The following RNF135 variants were observed in gnomAD, a reference collection of about 807,000 sequenced individuals.
The protein encoded by RNF135 is E3 ubiquitin-protein ligase RNF135.
RNF135 carries 46 observed loss-of-function variants against 41.9 expected under a neutral mutation model. The ratio of observed to expected loss-of-function variants is 1.10; its 90% confidence interval spans 0.87 to 1.40. The LOEUF (loss-of-function observed/expected upper bound fraction) is 1.40. RNF135 is among the 40% of genes most tolerant of loss of function. The pLI is 0.00. For synonymous variants in RNF135, 238 were observed against 223.8 expected, an observed-to-expected ratio of 1.06 and a Z score of -0.57; for missense variants, 539 against 549.8, an observed-to-expected ratio of 0.98 and a Z score of 0.20.
the RNF135 span, among the ~76,000 whole-genome samples, chr17:30,962,173 G>A: frequency 2.7e-5 from 4 of 148,292 alleles, no homozygotes; most frequent in African/African-American, 7.5e-5. Context: ...TCTCTGTGTC[G>A]CCAGGCTGGA....
chr17:30,979,628 C>A (rs2142686446), intron 1 of RNF135, among the ~76,000 whole-genome samples: 2 of 130,388 alleles, frequency 1.5e-5, no homozygotes, highest in East Asian at 2.4e-4. Context: ...GCGCCCCTCA[C>A]CTCCCGGACG....
intron 3 of RNF135, among the ~76,000 whole-genome samples, chr17:30,989,320 C>T (rs1907829729): frequency 6.6e-6 from 1 of 152,102 alleles, no homozygotes; most frequent in Admixed American, 6.5e-5. Flanking sequence ...GATCATGCCA[C>T]TGCATTGCAT....
chr17:30,980,052 TCCCGGA>T, intron 1 of RNF135: 1 of 116,366 alleles, frequency 8.6e-6, no homozygotes, highest in African/African-American at 4.1e-5. Context: ...CCCACCTCCC[TCCCGGA>T]CTGGGCGGCT....
intron 1 of RNF135, among the ~76,000 whole-genome samples, chr17:30,983,345 ATATATATATTTTTT>A (rs1312365531): frequency 8.8e-5 from 3 of 34,178 alleles, no homozygotes; most frequent in Non-Finnish European, 1.8e-4. Context: ...ATATATATAT[ATATATATATTTTTT>A]TTTTTTTTTT....
At chr17:30,980,566 C>T (rs1365350116) in intron 1 of RNF135, among the ~76,000 whole-genome samples, 13 of 137,748 alleles carry the variant, frequency 9.4e-5, no homozygotes, top group African/African-American at 3.3e-4. Context: ...ACTTCCCAGA[C>T]GGGGTGGTTG....
At chr17:30,970,528 T>C (rs1905802635), upstream of RNF135, 1 of 158,796 alleles carries the variant, frequency 6.3e-6, no homozygotes, top group Non-Finnish European at 1.4e-5. Context: ...GAAATCAGAC[T>C]CCCTGCGAGC....
At chr17:30,995,005 C>G (rs774968933) in intron 3 of RNF135, among the ~76,000 whole-genome samples, 2 of 152,044 alleles carry the variant, frequency 1.3e-5, no homozygotes, top group African/African-American at 4.8e-5. Context: ...TACTGTGGCA[C>G]AACTATGGCT....
Position 30,999,242 on chromosome 17 carries a change from A to G in RNF135, c.*51A>G, listed in dbSNP as rs187129984. ...TGGTTTCCTGGTCTCTCTCCCTGTC[A>G]TCAATCAGGGTAGTAACTTGACTTA... is the stretch of plus-strand genomic sequence containing the variant. On this transcript the variant is annotated 3_prime_UTR_variant, in exon 5 of 5. Coordinates refer to ENST00000328381, the MANE Select transcript of RNF135 (RefSeq NM_032322.4). 1.3e-6 allele frequency: 2 copies of G among 1,573,676 alleles called. No individual in the cohort carries two copies. The highest frequency in any genetic ancestry group is 1.9e-4 in the Middle Eastern group (1 of 5,334).
chr17:30,983,345 ATATATATATTTT>A (rs1203625856), intron 1 of RNF135, among the ~76,000 whole-genome samples: 48 of 34,170 alleles, frequency 1.4e-3, no homozygotes, highest in African/African-American at 4.2e-3. Context: ...ATATATATAT[ATATATATATTTT>A]TTTTTTTTTT....
chr17:30,975,837 A>G, intron 1 of RNF135: 2 of 916,898 alleles, frequency 2.2e-6, no homozygotes, highest in South Asian at 2.6e-5. Context: ...AGAATAGTCC[A>G]TTTTGGCTGC....
rs1321585009 is a variant in RNF135, at chr17:30,997,511, C to T, written c.769+180C>T. On this transcript the variant is annotated intron_variant, in intron 4 of 4. Coordinates refer to ENST00000328381, the MANE Select transcript of RNF135 (RefSeq NM_032322.4). Reference sequence around the variant, plus strand: ...GGCAAAGCAGGTTGAGACTCTAGACCCAAGAGCACTCAGAGTCCCGCCAAC... The same window carrying T: ...GGCAAAGCAGGTTGAGACTCTAGACTCAAGAGCACTCAGAGTCCCGCCAAC... 3 of 674,228 alleles carry T rather than the reference C, an allele frequency of 4.4e-6. No homozygotes were observed. In the Admixed American group the frequency reaches 6.2e-5, roughly 14 times the overall value. 41.8% of individuals were successfully genotyped at this position (674,228 alleles called of 1,614,324 possible).
chr17:30,998,932 G>A lies in RNF135; in HGVS notation c.1040G>A (p.Cys347Tyr). Residue 347 changes from cysteine to tyrosine, a missense_variant, in exon 5 of 5, where the codon TGT becomes TAT. Cys to Tyr is a radical substitution (Grantham distance 194). Transcript: ENST00000328381. ...GTCCTGGGAAGGACTATGGACTCTT[G>A]TTGTGTGGAATGGAAGGGGACTAGC... ...DQVLGRTMDSCCVEWKGTSQL... is the reference protein window; with the variant it reads ...DQVLGRTMDSYCVEWKGTSQL... 6.2e-7 allele frequency: 1 copy of A among 1,613,948 alleles called. No individual in the cohort carries two copies. The highest frequency in any genetic ancestry group is 8.5e-7 in the Non-Finnish European group (1 of 1,179,884).
chr17:30,984,249 C>T (rs1169267935), intron 1 of RNF135, among the ~76,000 whole-genome samples: 1 of 151,760 alleles, frequency 6.6e-6, no homozygotes, highest in African/African-American at 2.4e-5. Flanking sequence ...TAAATTTTGC[C>T]CTATGTTTTC....
the RNF135 span, among the ~76,000 whole-genome samples, chr17:30,960,508 C>T: frequency 2.0e-5 from 3 of 151,682 alleles, no homozygotes; most frequent in East Asian, 3.9e-4. Context: ...CTGCAGTGAG[C>T]TATGGTCTCA....
chr17:30,966,366 A>C (rs945417362), upstream of RNF135, among the ~76,000 whole-genome samples: 1 of 146,800 alleles, frequency 6.8e-6, no homozygotes, highest in Non-Finnish European at 1.5e-5. Context: ...TTATTTATTT[A>C]TTTATTTAAT....
At position 30,999,016 on chromosome 17, in the gene RNF135, T is replaced by C. The variant is rs1908564959; in HGVS notation, c.1124T>C (p.Val375Ala). The C allele has an allele frequency of 6.2e-7, 1 of 1,613,860 alleles. No individual in the cohort carries two copies. The highest frequency in any genetic ancestry group is 8.5e-7 in the Non-Finnish European group (1 of 1,180,008). The change falls in exon 5 of 5, where the codon GTG (valine) becomes GCG (alanine). Residue 375 changes from valine (V) to alanine (A), a missense_variant. Val to Ala is a moderately conservative substitution (Grantham distance 64). This residue lies in a region of RNF135 where 262 missense variants were observed against 336.9 expected (regional missense o/e 0.78). Transcript: ENST00000328381. ...GTCCTTGGCTCAGACAGACCTGGGG[T>C]GGTGGGCATCTGGCTGAACCTTGAG... The part of the protein sequence containing the change: ...ETVLGSDRPG[V>A]VGIWLNLEEG...
chr17:30,987,887 G>C, intron 2 of RNF135, 57 bp from the exon 3 acceptor site: 1 of 1,475,606 alleles, frequency 6.8e-7, no homozygotes. Flanking sequence ...GAATATAATA[G>C]TTGATAGACT....
chr17:30,998,005 G>C (rs12453269), intron 4 of RNF135, among the ~76,000 whole-genome samples: 26,677 of 152,226 alleles, frequency 0.18, 2,882 homozygotes, highest in Middle Eastern at 0.28. Context: ...TAACTGGGAA[G>C]GTATAAACAG....
intron 1 of RNF135, among the ~76,000 whole-genome samples, chr17:30,983,338 TATATATATA>T (rs1567743177): frequency 1.0e-3 from 31 of 30,752 alleles, no homozygotes; most frequent in African/African-American, 1.7e-3. Context: ...TATATATATA[TATATATATA>T]TATATATTTT....
Sources: allele counts gnomAD v4.1 joint callset (sites outside exome capture counted in the v4.1 genomes callset), GRCh38; gene constraint gnomAD v4.1.1; regional missense constraint gnomAD v4.1.1; transcripts MANE v1.5; gene names NCBI Gene and HGNC (gene_info 2026-07-23, HGNC 2026-07-21).